The following PWWP3A variants were observed in gnomAD, a reference collection of about 807,000 sequenced individuals.
PWWP3A encodes the protein PWWP domain containing 3A, DNA repair factor, also known as PWWP domain-containing DNA repair factor 3A.
Under a neutral mutation model 79.0 loss-of-function variants are expected in PWWP3A, and 53 were observed. The ratio of observed to expected loss-of-function variants is 0.67; its 90% CI spans 0.54 to 0.84. PWWP3A has a LOEUF of 0.84. Ranked by LOEUF, PWWP3A falls within the 40% of genes least tolerant of loss-of-function variation. PWWP3A has a pLI of 0.00. For synonymous variants in PWWP3A, 443 were observed against 394.4 expected (o/e 1.12, Z -1.46); for missense variants, 973 against 948.0 (o/e 1.03, Z -0.35).
intron 6 of PWWP3A, chr19:1,364,240 A>T: frequency 1.6e-6 from 1 of 618,890 alleles, no homozygotes; most frequent in Non-Finnish European, 3.1e-6. Flanking sequence ...CTCCCATCCC[A>T]AGGGTGCGTT....
rs1449319195 is a variant in PWWP3A at position 1,368,357 on chromosome 19, C to G, written c.1423-908C>G. On this transcript the variant is annotated intron_variant, in intron 9 of 13. Coordinates refer to ENST00000591337, the MANE Select transcript of PWWP3A (RefSeq NM_001369789.1). The surrounding 1 kb of genome is among the most constrained non-coding windows in gnomAD (Gnocchi z 4.7). ...TTCTGAGAGCACAGGGTGCCCGCTT[C>G]TTCTTCCTAAGAGTGCGCTCACATC... 6.6e-6 allele frequency among the ~76,000 whole-genome samples: 1 copy of G among 152,186 alleles called. No individual in the cohort carries two copies. The highest frequency in any genetic ancestry group is 1.5e-5 in the Non-Finnish European group (1 of 68,036).
rs771705419 is a variant in PWWP3A, at chr19:1,356,351, C to T, written c.-42C>T. On this transcript the variant is annotated 5_prime_UTR_variant, in exon 2 of 14. It adds an upstream start codon to the 5' untranslated region. Transcript: ENST00000591337. ...CACATTGGCGTGAGACCTGGGAGTA[C>T]GTTGTGCCAAATCATTGCCACTTGC... 7 of 1,602,740 alleles carry T rather than the reference C, an allele frequency of 4.4e-6. No homozygotes were observed.
rs909137073 is a variant in PWWP3A, at chr19:1,362,437, C to G, written c.1213+86C>G. 16 of 1,032,928 alleles carry G rather than the reference C, an allele frequency of 1.5e-5. No individual in the cohort carries two copies. The African/African-American group carries it at 2.1e-4, about 14-fold the overall frequency. The allele number at this position is 1,032,928 out of a possible 1,614,324, so 64.0% of individuals were successfully genotyped here. A position where few individuals can be genotyped will look rare whatever the true frequency, so the allele number is the denominator to read the frequency against. ...GGGCTCCGAGACCGGGCCCCACATT[C>G]TCCATGAAAGGTCTCCTGCGAGTTC... On this transcript the variant is annotated intron_variant, in intron 6 of 13. Coordinates refer to ENST00000591337, the MANE Select transcript of PWWP3A (RefSeq NM_001369789.1).
rs1046367654 is a variant in PWWP3A at position 1,375,045 on chromosome 19, C to T, written c.2076-1474C>T. Among the ~76,000 whole-genome samples the T allele has an allele frequency of 1.5e-4, 23 of 151,384 alleles. No individual in the cohort carries two copies. The South Asian group carries it at 3.8e-3, about 25-fold the overall frequency. ...ACCATCCTGGCCACCATGGTGAAAC[C>T]CCATCTCTACTTTAAAAAAAAAAAA... On this transcript the variant is annotated intron_variant, in intron 13 of 13. Transcript: ENST00000591337.
intron 3 of PWWP3A, chr19:1,357,755 G>A (rs540284030): frequency 1.9e-3 from 270 of 145,496 alleles, no homozygotes; most frequent in Non-Finnish European, 3.1e-3. Flanking sequence ...CGATTCCGAC[G>A]CCCCGGTCAG....
intron 13 of PWWP3A, among the ~76,000 whole-genome samples, chr19:1,375,881 C>CTGCAACCCT (rs1160122032): frequency 9.7e-6 from 1 of 102,644 alleles, no homozygotes; most frequent in African/African-American, 4.3e-5. Flanking sequence ...TCTCGGCCCA[C>CTGCAACCCT]TGCAACCCCC....
intron 13 of PWWP3A, among the ~76,000 whole-genome samples, chr19:1,376,295 G>GTGTTTTTTT (rs2082393468): frequency 1.5e-5 from 1 of 67,066 alleles, no homozygotes; most frequent in South Asian, 6.4e-4. Context: ...CCGGCTGTTT[G>GTGTTTTTTT]TTTTTTTTTT....
rs746682189 is a variant in PWWP3A at position 1,371,021 on chromosome 19, G to T, written c.1929G>T (p.Val643=). The T allele has an allele frequency of 5.1e-6, 8 of 1,575,000 alleles. No homozygotes were observed. In the Admixed American group the frequency reaches 1.3e-4, roughly 25 times the overall value. Residue 643 remains valine, a synonymous_variant, in exon 12 of 14, where the codon GTG becomes GTT. Coordinates refer to ENST00000591337, the MANE Select transcript of PWWP3A (RefSeq NM_001369789.1). ...QGVYQEVGAK[V]LQRTNGDRIR... is the part of the protein sequence containing the mutation. ...TCTACCAGGAGGTGGGGGCCAAGGTGCTCCAGCGCACCAACGGCGACCGGA... is the reference window on the plus strand; with the variant it reads ...TCTACCAGGAGGTGGGGGCCAAGGTTCTCCAGCGCACCAACGGCGACCGGA...
At position 1,376,661 on chromosome 19, in the gene PWWP3A, AG is replaced by A. The variant is rs1297411439; in HGVS notation, c.*90del. ...GAGCGTGTCTGAAGATGGGGGGCTC[AG>A]GGGGCACGTTTGCGTTTGGACCTGT... On this transcript the variant is annotated 3_prime_UTR_variant, in exon 14 of 14. Transcript: ENST00000591337. 14 of 1,382,524 alleles carry A rather than the reference AG, an allele frequency of 1.0e-5. No homozygotes were observed. The South Asian group carries it at 1.3e-4, about 13-fold the overall frequency. 85.6% of individuals were successfully genotyped at this position (1,382,524 alleles called of 1,614,324 possible).
At chr19:1,371,248 A>T in intron 12 of PWWP3A, 170 bp downstream of exon 12, 2 of 796,036 alleles carry the variant, frequency 2.5e-6, no homozygotes. Context: ...GGGAAATGCG[A>T]GTGCGTGCGC....
intron 9 of PWWP3A, 51 bp downstream of exon 9, chr19:1,367,271 G>A (rs773093178): frequency 9.7e-6 from 14 of 1,444,460 alleles, no homozygotes; most frequent in Admixed American, 7.0e-5. Flanking sequence ...TTTGTGATTA[G>A]TAAATATGTC....
intron 13 of PWWP3A, chr19:1,373,679 G>GCCCAC (rs2082308214): frequency 6.4e-6 from 1 of 155,498 alleles, no homozygotes; most frequent in African/African-American, 2.4e-5. Context: ...GCCAGGCGGG[G>GCCCAC]CCCACGGGGC....
At chr19:1,372,914 G>C (rs1258868670) in intron 12 of PWWP3A, 158 bp from the exon 13 acceptor site, 14 of 602,986 alleles carry the variant, frequency 2.3e-5, no homozygotes, top group Non-Finnish European at 3.9e-5. Flanking sequence ...TACAAGCAGG[G>C]ATTCATGGAC....
chr19:1,375,016 C>T lies in PWWP3A; in HGVS notation c.2076-1503C>T, dbSNP rs925121886. Among the ~76,000 whole-genome samples the T allele has an allele frequency of 5.3e-5, 8 of 151,300 alleles. No homozygotes were observed. The East Asian group carries it at 5.8e-4, about 11-fold the overall frequency. On this transcript the variant is annotated intron_variant, in intron 13 of 13. Transcript: ENST00000591337. ...CAGGTGGATCACGAGGTCAGGAGTT[C>T]GAGACCATCCTGGCCACCATGGTGA...
rs1016265161 is a variant in PWWP3A at position 1,376,729 on chromosome 19, T to G, written c.*153T>G. 4 of 575,442 alleles carry G rather than the reference T, an allele frequency of 7.0e-6. No homozygotes were observed. Among genetic ancestry groups the G allele is most frequent in the African/African-American group, 5.8e-5 (3 of 52,094 alleles). The allele number at this position is 575,442 out of a possible 1,614,324, so 35.6% of individuals were successfully genotyped here. On this transcript the variant is annotated 3_prime_UTR_variant, in exon 14 of 14. Coordinates refer to ENST00000591337, the MANE Select transcript of PWWP3A (RefSeq NM_001369789.1). The stretch of plus-strand genomic sequence containing the variant: ...GTGGCAGTCCTGATTTCCATGCTTC[T>G]GGAGAATCCATTTCGTTAACACTGA...
Position 1,367,179 on chromosome 19 carries a change from A to T in PWWP3A, c.1381A>T (p.Ser461Cys). The T allele has an allele frequency of 1.2e-6, 2 of 1,613,064 alleles. No homozygotes were observed. Among genetic ancestry groups the T allele is most frequent in the Non-Finnish European group, 1.7e-6 (2 of 1,179,594 alleles). The change falls in exon 9 of 14, where the codon AGT (serine) becomes TGT (cysteine). Residue 461 changes from serine to cysteine, a missense_variant. By Grantham distance (112) the Ser-to-Cys change is moderately radical. Coordinates refer to ENST00000591337, the MANE Select transcript of PWWP3A (RefSeq NM_001369789.1). ...KMKGFTVSLK[S>C]LKHFDCKEKQ... ...TTCAAGTTTCACAGTGTCTCTTAAA[A>T]GTTTAAAGCACTTTGATTGTAAAGA...
At chr19:1,363,525 C>A (rs1414270002) in intron 6 of PWWP3A, among the ~76,000 whole-genome samples, 1 of 152,206 alleles carries the variant, frequency 6.6e-6, no homozygotes, top group Non-Finnish European at 1.5e-5. Context: ...GGGCCCTTTC[C>A]GACCACGCTG....
intron 3 of PWWP3A, 56 bp downstream of exon 3, chr19:1,357,150 C>A: frequency 7.6e-7 from 1 of 1,324,480 alleles, no homozygotes; most frequent in African/African-American, 1.5e-5. Flanking sequence ...TCTGATACTT[C>A]AATCCCCTAC....
intron 6 of PWWP3A, chr19:1,364,299 A>G: frequency 1.5e-6 from 1 of 688,376 alleles, no homozygotes. Flanking sequence ...TGCTGGTTTC[A>G]CTGTCTCATC....
Sources: gnomAD v4.1 joint callset for allele counts (sites outside exome capture counted in the v4.1 genomes callset) on GRCh38, gnomAD v4.1.1 for gene constraint, Gnocchi (gnomAD v3.1) non-coding constraint, MANE v1.5 for transcripts, NCBI Gene and HGNC (gene_info 2026-07-23, HGNC 2026-07-21) for gene names.